Variants in AKIRIN2 observed in about 807,000 individuals in gnomAD.
AKIRIN2 encodes the protein akirin 2.
In AKIRIN2, 6 loss-of-function variants were observed where a neutral mutation model predicts 29.3. The ratio of observed to expected loss-of-function variants is 0.20; its 90% confidence interval spans 0.11 to 0.40. AKIRIN2 has a LOEUF of 0.40. Ranked by LOEUF, AKIRIN2 falls within the 10% of genes least tolerant of loss-of-function variation. AKIRIN2 has a pLI of 1.00. For synonymous variants in AKIRIN2, 128 were observed against 117.5 expected, an observed-to-expected ratio of 1.09 and a Z score of -0.58; for missense variants, 210 against 276.1, an observed-to-expected ratio of 0.76 and a Z score of 1.70.
chr6:87,701,388 A>C, intron 1 of AKIRIN2, 62 bp downstream of exon 1: 16 of 1,478,172 alleles, frequency 1.1e-5, no homozygotes, highest in Non-Finnish European at 1.4e-5. Flanking sequence ...CGCATCCCAC[A>C]CCCCAGGACC....
chr6:87,686,594 T>G (rs1771192298), intron 1 of AKIRIN2, among the ~76,000 whole-genome samples: 1 of 152,040 alleles, frequency 6.6e-6, no homozygotes, highest in South Asian at 2.1e-4. Flanking sequence ...CATTACTAGA[T>G]CAAACATTAC....
chr6:87,694,578 A>C (rs769322042), intron 1 of AKIRIN2, among the ~76,000 whole-genome samples: 2 of 152,186 alleles, frequency 1.3e-5, no homozygotes, highest in Non-Finnish European at 2.9e-5. Context: ...AAATCCAGGT[A>C]CATCAAAAGA....
chr6:87,692,125 C>T (rs1771286118), intron 1 of AKIRIN2, among the ~76,000 whole-genome samples: 1 of 152,140 alleles, frequency 6.6e-6, no homozygotes, highest in Non-Finnish European at 1.5e-5. Context: ...ACAGGACAGG[C>T]TCAAATGTCA....
rs1770963303 is a variant in AKIRIN2 at position 87,675,848 on chromosome 6, T to G, written c.601+12A>C. On this transcript the variant is annotated intron_variant, in intron 4 of 4. Transcript: ENST00000257787. ...TATTTTCAGTTTATAACTTCAAAGG[T>G]GAAATACTTACAGCTAGCAGGCTGT... 2.5e-6 allele frequency: 4 copies of G among 1,610,410 alleles called. No individual in the cohort carries two copies. The highest frequency in any genetic ancestry group is 3.4e-6 in the Non-Finnish European group (4 of 1,178,142).
chr6:87,681,025 A>G (rs1771111161), intron 2 of AKIRIN2, among the ~76,000 whole-genome samples: 1 of 151,804 alleles, frequency 6.6e-6, no homozygotes, highest in African/African-American at 2.4e-5. Flanking sequence ...CTAACAAAGG[A>G]GCATACAGTA....
At chr6:87,698,716 A>G (rs1771410216) in intron 1 of AKIRIN2, among the ~76,000 whole-genome samples, 1 of 152,210 alleles carries the variant, frequency 6.6e-6, no homozygotes, top group Admixed American at 6.5e-5. Context: ...TAAGAAAGCA[A>G]GCTTAACTTC....
intron 1 of AKIRIN2, among the ~76,000 whole-genome samples, chr6:87,693,870 C>A (rs1346158322): frequency 6.6e-6 from 1 of 152,124 alleles, no homozygotes; most frequent in African/African-American, 2.4e-5. Context: ...CATCAAGTCC[C>A]CCTCTCTATC....
chr6:87,699,568 A>G (rs1196913490), intron 1 of AKIRIN2, among the ~76,000 whole-genome samples: 1 of 152,068 alleles, frequency 6.6e-6, no homozygotes, highest in Non-Finnish European at 1.5e-5. Flanking sequence ...AAATAGCAGT[A>G]TTTTGGAAAG....
At chr6:87,685,622 T>C (rs1687666056) in intron 1 of AKIRIN2, among the ~76,000 whole-genome samples, 1 of 152,238 alleles carries the variant, frequency 6.6e-6, no homozygotes, top group African/African-American at 2.4e-5. Flanking sequence ...GCCTTCCTAT[T>C]TGGCTTATGA....
At chr6:87,697,188 C>T (rs1771384034) in intron 1 of AKIRIN2, among the ~76,000 whole-genome samples, 1 of 151,896 alleles carries the variant, frequency 6.6e-6, no homozygotes, top group Non-Finnish European at 1.5e-5. Context: ...TGGCGCACGC[C>T]TGTAATCCCA....
At chr6:87,697,532 G>A (rs1006013247) in intron 1 of AKIRIN2, among the ~76,000 whole-genome samples, 3 of 152,184 alleles carry the variant, frequency 2.0e-5, no homozygotes, top group African/African-American at 7.2e-5. Flanking sequence ...CTTAACAGCT[G>A]TCTAAATAAC....
chr6:87,697,568 G>A (rs1187595685), intron 1 of AKIRIN2, among the ~76,000 whole-genome samples: 2 of 152,138 alleles, frequency 1.3e-5, no homozygotes, highest in African/African-American at 4.8e-5. Flanking sequence ...AATACTTCTG[G>A]CTCAATGTAA....
chr6:87,677,535 A>AT (rs1771039980), intron 3 of AKIRIN2, among the ~76,000 whole-genome samples: 1 of 152,212 alleles, frequency 6.6e-6, no homozygotes, highest in East Asian at 1.9e-4. Context: ...ATATAAAGTC[A>AT]AAAAATCCAC....
rs35676911 is a variant in AKIRIN2, at chr6:87,696,699, CAAA to C, written c.235+4748_235+4750del. On this transcript the variant is annotated intron_variant, in intron 1 of 4. Transcript: ENST00000257787. Reference sequence around the variant, plus strand: ...CTGGGGGACAGAGTGAGACTCCATCCAAAAAAAAAAAAAAAAAAGCCAGGGAGG... The same window carrying C: ...CTGGGGGACAGAGTGAGACTCCATCCAAAAAAAAAAAAAAAGCCAGGGAGG... Among the ~76,000 whole-genome samples, 519 of 87,758 alleles carry C rather than the reference CAAA, an allele frequency of 5.9e-3. 7 individuals carry two copies. Among genetic ancestry groups the C allele is most frequent in the African/African-American group, 0.021 (502 of 23,666 alleles). 57.6% of individuals were successfully genotyped at this position (87,758 alleles called of 152,430 possible).
At chr6:87,699,190 A>G (rs1052992611) in intron 1 of AKIRIN2, among the ~76,000 whole-genome samples, 2 of 152,228 alleles carry the variant, frequency 1.3e-5, no homozygotes, top group African/African-American at 4.8e-5. Context: ...AATCAGGTGC[A>G]TGAGAAAATT....
chr6:87,676,596 AACACACACACACAC>A (rs112353955), intron 3 of AKIRIN2, among the ~76,000 whole-genome samples: 8 of 142,142 alleles, frequency 5.6e-5, no homozygotes, highest in Middle Eastern at 3.5e-3. Context: ...CTCTACTAAA[AACACACACACACAC>A]ACACACACAC....
Position 87,701,513 on chromosome 6 carries a change from G to T in AKIRIN2, c.172C>A (p.Pro58Thr). 3 of 1,455,356 alleles carry T rather than the reference G, an allele frequency of 2.1e-6. No homozygotes were observed. The highest frequency in any genetic ancestry group is 2.7e-6 in the Non-Finnish European group (3 of 1,105,754). 90.2% of individuals were successfully genotyped at this position (1,455,356 alleles called of 1,614,324 possible). The change falls in exon 1 of 5, where the codon CCG becomes ACG. Residue 58 changes from proline to threonine, a missense_variant. Pro to Thr is a conservative substitution (Grantham distance 38). Coordinates refer to ENST00000257787, the MANE Select transcript of AKIRIN2 (RefSeq NM_018064.4). ...AASFSAAAAS[P>T]QKYLRMEPSP... Reference sequence around the variant, plus strand: ...GGCTCCATTCGGAGATACTTCTGCGGCGAGGCGGCCGCAGCGGAGAAGGAG... The same window carrying T: ...GGCTCCATTCGGAGATACTTCTGCGTCGAGGCGGCCGCAGCGGAGAAGGAG...
chr6:87,676,011 G>A, intron 3 of AKIRIN2, 80 bp from the exon 4 acceptor site: 1 of 1,183,380 alleles, frequency 8.5e-7, no homozygotes, highest in Non-Finnish European at 1.2e-6. Context: ...AAAATATACA[G>A]TAAAACAATT....
rs771110158 is a variant in AKIRIN2 at position 87,677,839 on chromosome 6, T to G, written c.508A>C (p.Ile170Leu). 9.3e-6 allele frequency: 15 copies of G among 1,613,942 alleles called. No homozygotes were observed. In the African/African-American group the frequency reaches 1.3e-4, roughly 14 times the overall value. ...ATACCTGCAAGTTTTGTGTTCAATA[T>G]TTCTTCATATTCTTCTCGAACTTTC... The part of the protein sequence containing the change: ...EEKVREEYEE[I>L]LNTKLAEQYD... The change falls in exon 3 of 5, where the codon ATA becomes CTA. Residue 170 changes from isoleucine (I) to leucine (L), a missense_variant. Coordinates refer to ENST00000257787, the MANE Select transcript of AKIRIN2 (RefSeq NM_018064.4).
Sources: allele counts gnomAD v4.1 joint callset (sites outside exome capture counted in the v4.1 genomes callset), GRCh38; gene constraint gnomAD v4.1.1; transcripts MANE v1.5; gene names NCBI Gene and HGNC (gene_info 2026-07-23, HGNC 2026-07-21).